Variants in KLF12 observed in about 807,000 individuals in gnomAD.
The protein encoded by KLF12 is KLF transcription factor 12.
KLF12 carries 9 observed loss-of-function variants against 37.8 expected under a neutral mutation model. That is an observed-to-expected ratio of 0.24 (90% CI 0.14 to 0.42). The LOEUF is 0.42. Among genes scored for constraint, KLF12 ranks in the 10% least tolerant of loss-of-function variants. KLF12 has a pLI of 1.00. For missense variants in KLF12, 411 were observed against 516.0 expected (o/e 0.80, Z 1.97); for synonymous variants, 208 against 202.1 (o/e 1.03, Z -0.25).
At chr13:73,726,026 G>A (rs1332473369) in intron 6 of KLF12, among the ~76,000 whole-genome samples, 17 of 151,950 alleles carry the variant, frequency 1.1e-4, no homozygotes, top group Non-Finnish European at 2.5e-4. Flanking sequence ...GTGCCACCAT[G>A]CCCAGCTAAT....
intron 4 of KLF12, among the ~76,000 whole-genome samples, chr13:73,834,142 C>T (rs962447804): frequency 6.7e-6 from 1 of 149,682 alleles, no homozygotes; most frequent in South Asian, 2.1e-4. Flanking sequence ...AACACCTCCT[C>T]CCCCCACCAC....
chr13:74,077,104 C>T (rs571520533), intron 1 of KLF12, among the ~76,000 whole-genome samples: 1 of 152,244 alleles, frequency 6.6e-6, no homozygotes, highest in Admixed American at 6.5e-5. Flanking sequence ...CTGCAATGAA[C>T]CTAAGTATGC....
At chr13:74,110,104 G>A (rs1200388413) in intron 1 of KLF12, among the ~76,000 whole-genome samples, 1 of 152,184 alleles carries the variant, frequency 6.6e-6, no homozygotes, top group Non-Finnish European at 1.5e-5. Flanking sequence ...TAAGTGAAAT[G>A]TCACATGTTT....
In KLF12 at chr13:73,774,243, ATGTG is replaced by A. The variant is rs752902476; in HGVS notation, c.807-9247_807-9244del. ...TTTGGAAAAATAAGTAAGTCAATAT[ATGTG>A]TGTGTATACATATACATATACAAAC... On this transcript the variant is annotated intron_variant, in intron 5 of 7. Coordinates refer to ENST00000377669, the MANE Select transcript of KLF12 (RefSeq NM_007249.5). Among the ~76,000 whole-genome samples, 90 of 151,070 alleles carry A rather than the reference ATGTG, an allele frequency of 6.0e-4. No individual in the cohort carries two copies. The Middle Eastern group carries it at 0.01, about 17-fold the overall frequency.
intron 5 of KLF12, among the ~76,000 whole-genome samples, chr13:73,765,955 T>C (rs1274226196): frequency 2.0e-5 from 3 of 148,236 alleles, no homozygotes; most frequent in Non-Finnish European, 4.4e-5. Flanking sequence ...CCCAGTTCTC[T>C]GTAGTTGTTT....
intron 3 of KLF12, among the ~76,000 whole-genome samples, chr13:73,926,423 T>C (rs182350327): frequency 6.6e-6 from 1 of 152,312 alleles, no homozygotes; most frequent in Admixed American, 6.5e-5. Flanking sequence ...ATACATTGTT[T>C]TTAGATGTAA....
chr13:74,147,389 A>G, the KLF12 span, among the ~76,000 whole-genome samples: 1 of 152,228 alleles, frequency 6.6e-6, no homozygotes, highest in Admixed American at 6.5e-5. Context: ...TTTTGGTTAC[A>G]CGATGTTAAA....
intron 6 of KLF12, among the ~76,000 whole-genome samples, chr13:73,752,067 C>G (rs1411937668): frequency 6.6e-6 from 1 of 152,160 alleles, no homozygotes; most frequent in East Asian, 1.9e-4. Context: ...ACTGCAAACT[C>G]TGCCTCCTGG....
chr13:73,955,285 A>G (rs1890797404), intron 2 of KLF12, among the ~76,000 whole-genome samples: 1 of 152,224 alleles, frequency 6.6e-6, no homozygotes, highest in African/African-American at 2.4e-5. Flanking sequence ...GACTCTTTGC[A>G]GAAACCACTA....
intron 7 of KLF12, among the ~76,000 whole-genome samples, chr13:73,712,027 A>G (rs959288888): frequency 6.6e-6 from 1 of 152,192 alleles, no homozygotes; most frequent in Non-Finnish European, 1.5e-5. Context: ...GATGTGGTGG[A>G]AACAGCAGGA....
the KLF12 span, among the ~76,000 whole-genome samples, chr13:74,286,370 A>C: frequency 1.3e-5 from 2 of 152,234 alleles, no homozygotes; most frequent in Non-Finnish European, 2.9e-5. Context: ...AAGAAAATCT[A>C]AGCTAGGGAA....
chr13:74,241,024 T>G, the KLF12 span, among the ~76,000 whole-genome samples: 2 of 152,144 alleles, frequency 1.3e-5, no homozygotes, highest in South Asian at 4.1e-4. Context: ...GGCGCTCTGC[T>G]TTTTAGAGTT....
chr13:73,870,711 G>C (rs1886420927), intron 3 of KLF12, among the ~76,000 whole-genome samples: 1 of 152,170 alleles, frequency 6.6e-6, no homozygotes, highest in East Asian at 1.9e-4. Flanking sequence ...GTGGAAATTG[G>C]GGTGGAGGGA....
At chr13:74,004,733 C>T (rs7325666) in intron 1 of KLF12, among the ~76,000 whole-genome samples, 11 of 152,118 alleles carry the variant, frequency 7.2e-5, no homozygotes, top group African/African-American at 2.4e-4. Flanking sequence ...TATTTGAAAT[C>T]GTGCCCAATA....
At chr13:74,099,939 G>A (rs1314638245) in intron 1 of KLF12, among the ~76,000 whole-genome samples, 1 of 152,144 alleles carries the variant, frequency 6.6e-6, no homozygotes, top group Non-Finnish European at 1.5e-5. Context: ...AAACATTCCT[G>A]TATTTTGTGC....
At chr13:74,072,392 TATATATATATATATAA>T (rs1163968847) in intron 1 of KLF12, among the ~76,000 whole-genome samples, 4 of 126,368 alleles carry the variant, frequency 3.2e-5, no homozygotes, top group African/African-American at 1.3e-4. Context: ...TATATATATA[TATATATATATATATAA>T]AAGATTATCT....
intron 4 of KLF12, among the ~76,000 whole-genome samples, chr13:73,842,673 T>C (rs894977826): frequency 6.6e-6 from 1 of 152,244 alleles, no homozygotes; most frequent in Admixed American, 6.5e-5. Flanking sequence ...TCTACATTTA[T>C]GCATTACACT....
chr13:74,044,207 C>A (rs1214393242), intron 1 of KLF12, among the ~76,000 whole-genome samples: 1 of 152,194 alleles, frequency 6.6e-6, no homozygotes, highest in African/African-American at 2.4e-5. Flanking sequence ...ACACTGACCA[C>A]AACCGCCCCA....
intron 2 of KLF12, among the ~76,000 whole-genome samples, chr13:73,985,914 T>G (rs1891816533): frequency 6.6e-6 from 1 of 152,230 alleles, no homozygotes; most frequent in African/African-American, 2.4e-5. Flanking sequence ...CTAGCCTATC[T>G]GTTAATTTCA....
Sources: gnomAD v4.1 joint callset for allele counts (sites outside exome capture counted in the v4.1 genomes callset) on GRCh38, gnomAD v4.1.1 for gene constraint, MANE v1.5 for transcripts, NCBI Gene and HGNC (gene_info 2026-07-23, HGNC 2026-07-21) for gene names.